AR: variants seen among roughly 807,000 people sequenced by gnomAD.
AR encodes the protein androgen receptor.
A neutral mutation model predicts 53.9 loss-of-function variants in AR; 8 were observed. The observed-to-expected ratio is 0.15, with a 90% CI of 0.09 to 0.27. The LOEUF (loss-of-function observed/expected upper bound fraction) is 0.27, where lower values mean the gene tolerates loss of function less well. AR is among the 10% of genes least tolerant of loss of function. The pLI is 1.00. For missense variants in AR, 639 were observed against 742.5 expected (o/e 0.86, Z 1.62); for synonymous variants, 359 against 316.4 (o/e 1.13, Z -1.43).
chrX:67,643,704 C>G (rs766776549), intron 2 of AR, among the ~76,000 whole-genome samples: 1 of 111,978 alleles, frequency 8.9e-6, no homozygotes, highest in Non-Finnish European at 1.9e-5. Context: ...TTAATTTCCT[C>G]CCTTCTTGTT....
At chrX:67,564,356 C>T (rs1351320253) in intron 1 of AR, among the ~76,000 whole-genome samples, 1 of 111,133 alleles carries the variant, frequency 9.0e-6, no homozygotes, top group Non-Finnish European at 1.9e-5. Context: ...CCATCTCCCA[C>T]GACTCTGGAG....
chrX:67,626,936 C>T (rs1412440885), intron 1 of AR, among the ~76,000 whole-genome samples: 19 of 104,021 alleles, frequency 1.8e-4, no homozygotes, highest in Admixed American at 8.5e-4. Flanking sequence ...CAATTTCATC[C>T]ATGTCCCTAC....
chrX:67,651,161 C>T (rs1235706518), intron 2 of AR, among the ~76,000 whole-genome samples: 2 of 108,738 alleles, frequency 1.8e-5, no homozygotes, highest in Admixed American at 9.9e-5. Flanking sequence ...CTGCCTCACC[C>T]TCCTGAGCAG....
At chrX:67,609,669 A>G (rs1923788812) in intron 1 of AR, among the ~76,000 whole-genome samples, 1 of 110,984 alleles carries the variant, frequency 9.0e-6, no homozygotes, top group African/African-American at 3.3e-5. Context: ...TTGCCCATTT[A>G]TACTATGATT....
At chrX:67,599,338 G>A (rs16989056) in intron 1 of AR, among the ~76,000 whole-genome samples, 7,428 of 111,781 alleles carry the variant, frequency 0.066, 607 homozygotes, top group African/African-American at 0.23. Flanking sequence ...GATTCATGGC[G>A]TAGTGAGTTC....
intron 2 of AR, among the ~76,000 whole-genome samples, chrX:67,644,595 A>T (rs1360429370): frequency 8.9e-6 from 1 of 112,040 alleles, no homozygotes; most frequent in African/African-American, 3.2e-5. Flanking sequence ...GCATCTAGAG[A>T]AAAGGTAGAA....
intron 2 of AR, among the ~76,000 whole-genome samples, chrX:67,662,378 T>G (rs1182181661): frequency 9.0e-6 from 1 of 110,818 alleles, no homozygotes; most frequent in East Asian, 2.8e-4. Context: ...TCCCAGAGAT[T>G]CTGGTATGTT....
chrX:67,620,907 C>T (rs756157514), intron 1 of AR, among the ~76,000 whole-genome samples: 19 of 111,733 alleles, frequency 1.7e-4, no homozygotes, highest in Non-Finnish European at 2.8e-4. Context: ...ATATTTACCA[C>T]ATTTTCCAGA....
chrX:67,722,627 C>T (rs2076140537), intron 6 of AR, among the ~76,000 whole-genome samples, 200 bp from the exon 7 acceptor site: 1 of 111,392 alleles, frequency 9.0e-6, no homozygotes, highest in Admixed American at 9.5e-5. Flanking sequence ...CCTTTCAGAT[C>T]GGATCCAGCT....
chrX:67,706,205 G>A (rs1053228346), intron 3 of AR, among the ~76,000 whole-genome samples: 5 of 111,566 alleles, frequency 4.5e-5, no homozygotes, highest in East Asian at 5.6e-4. Context: ...TGATTGGAAT[G>A]GTTTCAGAAG....
At chrX:67,608,266 C>A (rs1044783298) in intron 1 of AR, among the ~76,000 whole-genome samples, 1 of 111,943 alleles carries the variant, frequency 8.9e-6, no homozygotes, top group Non-Finnish European at 1.9e-5. Flanking sequence ...GCAGTTCCCA[C>A]CTTACCCTCT....
At chrX:67,613,803 A>G (rs1923987184) in intron 1 of AR, among the ~76,000 whole-genome samples, 2 of 111,894 alleles carry the variant, frequency 1.8e-5, no homozygotes, top group Admixed American at 9.5e-5. Flanking sequence ...ATAAAATCAT[A>G]TTTGTCTCTA....
At chrX:67,679,413 T>G (rs1161719392) in intron 2 of AR, among the ~76,000 whole-genome samples, 1 of 111,962 alleles carries the variant, frequency 8.9e-6, no homozygotes, top group Non-Finnish European at 1.9e-5. Context: ...ATTCCCCTAA[T>G]GTTAGACATT....
intron 3 of AR, among the ~76,000 whole-genome samples, chrX:67,697,737 G>GA (rs1276510694): frequency 9.0e-6 from 1 of 111,613 alleles, no homozygotes; most frequent in Non-Finnish European, 1.9e-5. Context: ...ATATAGATGA[G>GA]AAAAACTGAG....
chrX:67,572,746 A>G (rs1259294583), intron 1 of AR, among the ~76,000 whole-genome samples: 2 of 111,345 alleles, frequency 1.8e-5, no homozygotes, highest in Non-Finnish European at 3.8e-5. Context: ...CCTTGAGATT[A>G]CTTCTTTTCA....
chrX:67,603,081 C>A (rs1208031966), intron 1 of AR, among the ~76,000 whole-genome samples: 1 of 111,358 alleles, frequency 9.0e-6, no homozygotes, highest in African/African-American at 3.3e-5. Context: ...TATACAAATC[C>A]TTTGATACAC....
Position 67,545,313 on chromosome X carries a change from T to TGCA in AR, c.169_170insAGC (p.Leu56_Leu57insGln), listed in dbSNP as rs755686403. On this transcript the variant is annotated inframe_insertion, in exon 1 of 8. Transcript: ENST00000374690. Reference sequence around the variant, plus strand: ...GCACCTCCCGGCGCCAGTTTGCTGCTGCTGCAGCAGCAGCAGCAGCAGCAG... The same window carrying TGCA: ...GCACCTCCCGGCGCCAGTTTGCTGCTGCAGCTGCAGCAGCAGCAGCAGCAGCAG... The TGCA allele has an allele frequency of 1.2e-4, 136 of 1,099,066 alleles. No individual in the cohort carries two copies. The East Asian group carries it at 2.5e-3, about 20-fold the overall frequency. The allele number at this position is 1,099,066 out of a possible 1,213,427, so 90.6% of individuals were successfully genotyped here.
intron 3 of AR, among the ~76,000 whole-genome samples, chrX:67,707,552 T>C (rs762340401): frequency 3.6e-5 from 4 of 111,781 alleles, no homozygotes; most frequent in East Asian, 2.8e-4. Flanking sequence ...TGAGATGGGT[T>C]TCCTGAATAC....
intron 2 of AR, among the ~76,000 whole-genome samples, chrX:67,665,943 A>G (rs1235060674): frequency 9.0e-6 from 1 of 111,331 alleles, no homozygotes; most frequent in African/African-American, 3.3e-5. Context: ...GTGGGTACAA[A>G]GTAGGTGTAT....
Sources: gnomAD v4.1 joint callset for allele counts (sites outside exome capture counted in the v4.1 genomes callset) on GRCh38, gnomAD v4.1.1 for gene constraint, MANE v1.5 for transcripts, NCBI Gene and HGNC (gene_info 2026-07-23, HGNC 2026-07-21) for gene names.